The following MERTK variants were observed in gnomAD, a reference collection of about 807,000 sequenced individuals.
MERTK encodes MER proto-oncogene, tyrosine kinase.
MERTK carries 69 observed loss-of-function variants against 99.3 expected under a neutral mutation model. The observed-to-expected ratio is 0.70, with a 90% CI of 0.57 to 0.85. MERTK has a LOEUF of 0.85. MERTK is among the 40% of genes least tolerant of loss of function. The pLI is 0.00. For synonymous variants in MERTK, 426 were observed against 467.6 expected (o/e 0.91, Z 1.15); for missense variants, 1,125 against 1,249.4 (o/e 0.90, Z 1.50).
In MERTK at chr2:111,997,497, T is replaced by C. The variant is rs777370059; in HGVS notation, c.1604+21T>C. 1.2e-5 allele frequency: 20 copies of C among 1,611,708 alleles called. No individual in the cohort carries two copies. The Middle Eastern group carries it at 4.9e-4, about 40-fold the overall frequency. The stretch of plus-strand genomic sequence containing the variant: ...TTTGGGTAAGTCTCCCAGCTAAAAA[T>C]GTTTGCCCACTGGTATTGACAAGGT... On this transcript the variant is annotated intron_variant, in intron 10 of 18. Transcript: ENST00000295408.
In MERTK at chr2:111,929,460, G is replaced by C; in HGVS notation, c.402G>C (p.Gly134=). The change falls in exon 2 of 19, where the codon GGG becomes GGC. Residue 134 remains glycine, a synonymous_variant. Transcript: ENST00000295408. Reference sequence around the variant, plus strand: ...CCACAATTTCTTGGTGGAAAGATGGGAAGGAATTGCTTGGGGCACATCATG... The same window carrying C: ...CCACAATTTCTTGGTGGAAAGATGGCAAGGAATTGCTTGGGGCACATCATG... The part of the protein sequence containing the change: ...QDTTISWWKD[G]KELLGAHHAI... 2 of 1,614,110 alleles carry C rather than the reference G, an allele frequency of 1.2e-6. No homozygotes were observed. Among genetic ancestry groups the C allele is most frequent in the Non-Finnish European group, 8.5e-7 (1 of 1,180,012 alleles).
Position 112,021,411 on chromosome 2 carries a change from G to C in MERTK, c.2190-11G>C. The C allele has an allele frequency of 6.2e-7, 1 of 1,612,772 alleles. No homozygotes were observed. On this transcript the variant is annotated splice_polypyrimidine_tract_variant and intron_variant, in intron 16 of 18. Transcript: ENST00000295408. ...TCTGACGCTGCTGAAGACGTAACCT[G>C]CTCTCTGTAGGTTGCGAGATGACAT...
chr2:111,970,829 C>T lies in MERTK; in HGVS notation c.960+2577C>T, dbSNP rs1295335408. Among the ~76,000 whole-genome samples, 288 of 115,052 alleles carry T rather than the reference C, an allele frequency of 2.5e-3. 3 individuals are homozygous for T. Among genetic ancestry groups the T allele is most frequent in the African/African-American group, 9.5e-3 (278 of 29,294 alleles). The allele number at this position is 115,052 out of a possible 152,430, so 75.5% of individuals were successfully genotyped here. On this transcript the variant is annotated intron_variant, in intron 6 of 18. Transcript: ENST00000295408. ...CTCCTCCTCCTCCTCCCTCCTCCTCCCTCCTCCTTCTCCTCCTTCTCCTCC... is the reference window on the plus strand; with the variant it reads ...CTCCTCCTCCTCCTCCCTCCTCCTCTCTCCTCCTTCTCCTCCTTCTCCTCC...
chr2:111,992,757 A>AG (rs989840483), intron 8 of MERTK, among the ~76,000 whole-genome samples: 1 of 141,934 alleles, frequency 7.0e-6, no homozygotes, highest in Non-Finnish European at 1.5e-5. Context: ...TCTCAAAAAA[A>AG]AAAAAAAAAG....
At chr2:111,923,303 A>G (rs1400326) in intron 1 of MERTK, among the ~76,000 whole-genome samples, 148,535 of 152,310 alleles carry the variant, frequency 0.98, 72,540 homozygotes, top group Middle Eastern at 1. Context: ...CCTGTCCTGT[A>G]CTGGGTGCTG....
intron 4 of MERTK, among the ~76,000 whole-genome samples, chr2:111,951,555 A>ATAAT (rs1685058084): frequency 8.5e-6 from 1 of 117,106 alleles, no homozygotes; most frequent in Non-Finnish European, 1.9e-5. Context: ...ATATACCATA[A>ATAAT]TTTTTTAATC....
chr2:111,967,865 T>C (rs1685388886), intron 5 of MERTK, among the ~76,000 whole-genome samples: 1 of 152,148 alleles, frequency 6.6e-6, no homozygotes, highest in Non-Finnish European at 1.5e-5. Flanking sequence ...TTCCACATCT[T>C]TTCCAGTTCA....
At chr2:112,012,715 C>T (rs367916546) in intron 15 of MERTK, among the ~76,000 whole-genome samples, 13 of 152,104 alleles carry the variant, frequency 8.5e-5, no homozygotes, top group Middle Eastern at 3.2e-3. Context: ...CCCCGACCTC[C>T]GGTAACTTAT....
At chr2:112,004,906 A>C (rs942185725) in intron 13 of MERTK, among the ~76,000 whole-genome samples, 2 of 152,162 alleles carry the variant, frequency 1.3e-5, no homozygotes, top group African/African-American at 4.8e-5. Flanking sequence ...CGTCTCAAAA[A>C]AAAAAAGAGT....
At chr2:111,948,748 G>A (rs375542484) in intron 4 of MERTK, among the ~76,000 whole-genome samples, 7 of 152,076 alleles carry the variant, frequency 4.6e-5, no homozygotes, top group East Asian at 1.9e-4. Flanking sequence ...TCTTGCTGTC[G>A]CCTCTGCAGT....
chr2:111,950,789 A>G (rs1461545834), intron 4 of MERTK, among the ~76,000 whole-genome samples: 2 of 152,186 alleles, frequency 1.3e-5, no homozygotes, highest in Non-Finnish European at 2.9e-5. Flanking sequence ...CCACTTGACA[A>G]TGTTTACACA....
At chr2:111,940,811 G>C (rs11674226) in intron 2 of MERTK, 13 of 999,126 alleles carry the variant, frequency 1.3e-5, no homozygotes, top group Non-Finnish European at 2.1e-5. Context: ...GCTTCTTGTC[G>C]ATCTTGAATC....
At chr2:112,028,115 A>G (rs756131596) in intron 18 of MERTK, 38 of 570,770 alleles carry the variant, frequency 6.7e-5, no homozygotes, top group Non-Finnish European at 1.1e-4. Context: ...AAAGTTAGAT[A>G]TAACTGCCAC....
intron 1 of MERTK, among the ~76,000 whole-genome samples, chr2:111,909,412 A>ACCC (rs1341256947): frequency 6.6e-6 from 1 of 152,188 alleles, no homozygotes; most frequent in Non-Finnish European, 1.5e-5. Context: ...TTAGGATTAA[A>ACCC]CAAGTTTTAC....
At chr2:112,004,095 A>G (rs1306239310) in intron 13 of MERTK, 111 bp downstream of exon 13, 8 of 894,058 alleles carry the variant, frequency 8.9e-6, no homozygotes, top group East Asian at 2.5e-5. Flanking sequence ...CCAGAAGGCA[A>G]TGTGGAACAC....
intron 8 of MERTK, among the ~76,000 whole-genome samples, chr2:111,985,862 C>T (rs1349494638): frequency 6.6e-6 from 1 of 152,062 alleles, no homozygotes; most frequent in East Asian, 1.9e-4. Flanking sequence ...TATAATAGAT[C>T]CAAATTTTAG....
At chr2:111,900,893 T>C (rs938509802) in intron 1 of MERTK, among the ~76,000 whole-genome samples, 4 of 152,218 alleles carry the variant, frequency 2.6e-5, no homozygotes, top group African/African-American at 9.6e-5. Context: ...ACATTGTGGG[T>C]CTGAGTGCTT....
At chr2:111,987,686 A>C (rs1004842246) in intron 8 of MERTK, among the ~76,000 whole-genome samples, 6 of 152,222 alleles carry the variant, frequency 3.9e-5, no homozygotes, top group Non-Finnish European at 8.8e-5. Flanking sequence ...GTGAAAAAAG[A>C]GTTCAGTGAG....
chr2:112,006,742 G>A (rs1359109902), intron 13 of MERTK, among the ~76,000 whole-genome samples: 1 of 152,160 alleles, frequency 6.6e-6, no homozygotes, highest in Non-Finnish European at 1.5e-5. Flanking sequence ...TTGGACCCCT[G>A]GGGAATAGTC....
Sources: gnomAD v4.1 joint callset for allele counts (sites outside exome capture counted in the v4.1 genomes callset) on GRCh38, gnomAD v4.1.1 for gene constraint, MANE v1.5 for transcripts, NCBI Gene and HGNC (gene_info 2026-07-23, HGNC 2026-07-21) for gene names.